PDSS2: variants seen among roughly 807,000 people sequenced by gnomAD.
The protein encoded by PDSS2 is decaprenyl diphosphate synthase subunit 2.
PDSS2 carries 31 observed loss-of-function variants against 44.5 expected under a neutral mutation model. The ratio of observed to expected loss-of-function variants is 0.70; its 90% CI spans 0.52 to 0.94. PDSS2 has a LOEUF of 0.94. Among genes scored for constraint, PDSS2 ranks in the 40% least tolerant of loss-of-function variants. PDSS2 has a pLI of 0.00. For missense variants in PDSS2, 452 were observed against 482.2 expected, an observed-to-expected ratio of 0.94 and a Z score of 0.59; for synonymous variants, 157 against 180.3, an observed-to-expected ratio of 0.87 and a Z score of 1.03.
At chr6:107,348,314 TC>T (rs1399808983) in intron 1 of PDSS2, among the ~76,000 whole-genome samples, 1 of 152,234 alleles carries the variant, frequency 6.6e-6, no homozygotes, top group East Asian at 1.9e-4. Context: ...TTGGCCAATG[TC>T]AAAAGCAAGT....
intron 2 of PDSS2, among the ~76,000 whole-genome samples, chr6:107,306,589 GAA>G (rs1404248544): frequency 6.6e-6 from 1 of 152,066 alleles, no homozygotes; most frequent in African/African-American, 2.4e-5. Flanking sequence ...AGGTAGTACT[GAA>G]TAATCAGATC....
chr6:107,294,504 C>T (rs6904046), intron 2 of PDSS2, among the ~76,000 whole-genome samples: 28,298 of 151,900 alleles, frequency 0.19, 2,787 homozygotes, highest in East Asian at 0.25. Flanking sequence ...GCCTCAGCCT[C>T]GTGAGTAGCT....
intron 4 of PDSS2, among the ~76,000 whole-genome samples, chr6:107,240,805 T>C (rs1774398546): frequency 6.6e-6 from 1 of 152,054 alleles, no homozygotes; most frequent in South Asian, 2.1e-4. Flanking sequence ...AGAGGGGAGA[T>C]ATTTTCTTAT....
intron 7 of PDSS2, among the ~76,000 whole-genome samples, chr6:107,191,596 G>A (rs771507405): frequency 3.9e-5 from 6 of 152,030 alleles, no homozygotes; most frequent in African/African-American, 7.2e-5. Context: ...TGATAACGAC[G>A]CACCAATGTA....
chr6:107,438,445 T>C (rs1781420497), intron 1 of PDSS2, among the ~76,000 whole-genome samples: 1 of 152,120 alleles, frequency 6.6e-6, no homozygotes, highest in South Asian at 2.1e-4. Context: ...GAACTCTTGA[T>C]CTGAAGCAAT....
intron 6 of PDSS2, among the ~76,000 whole-genome samples, chr6:107,209,562 C>CT (rs543768033): frequency 0.25 from 31,289 of 126,078 alleles, 4,694 homozygotes; most frequent in East Asian, 0.62. Context: ...AGGCTCTAAG[C>CT]TTTTTTTTTT....
intron 3 of PDSS2, among the ~76,000 whole-genome samples, chr6:107,247,080 G>A (rs929120667): frequency 1.3e-5 from 2 of 152,068 alleles, no homozygotes; most frequent in Admixed American, 6.6e-5. Context: ...ACTGAGTATC[G>A]CCAATAGGTC....
intron 1 of PDSS2, among the ~76,000 whole-genome samples, chr6:107,397,733 T>C (rs1779993416): frequency 6.6e-6 from 1 of 152,222 alleles, no homozygotes; most frequent in Non-Finnish European, 1.5e-5. Flanking sequence ...CAGTATTTGT[T>C]GCCAAAAATA....
At chr6:107,319,731 C>A (rs900226131) in intron 2 of PDSS2, among the ~76,000 whole-genome samples, 8 of 152,204 alleles carry the variant, frequency 5.3e-5, no homozygotes, top group African/African-American at 1.9e-4. Flanking sequence ...TAACAAGCTG[C>A]CTATAAACCG....
chr6:107,160,243 C>CA (rs1288520329), intron 7 of PDSS2, among the ~76,000 whole-genome samples: 3 of 151,788 alleles, frequency 2.0e-5, no homozygotes, highest in Non-Finnish European at 4.4e-5. Context: ...AAAACAAAAA[C>CA]AAAAAAACAC....
chr6:107,299,146 C>CAAAAAAAA (rs71991148), intron 2 of PDSS2, among the ~76,000 whole-genome samples: 5 of 53,464 alleles, frequency 9.4e-5, no homozygotes, highest in Non-Finnish European at 1.2e-4. Context: ...GACCCTGTCT[C>CAAAAAAAA]AAAAAAAAAA....
At chr6:107,291,113 A>C (rs1425870000) in intron 2 of PDSS2, among the ~76,000 whole-genome samples, 2 of 152,142 alleles carry the variant, frequency 1.3e-5, no homozygotes, top group Non-Finnish European at 2.9e-5. Flanking sequence ...CCTTTAACTA[A>C]TTATAAGTGC....
chr6:107,269,320 C>T (rs1161795570), intron 3 of PDSS2, among the ~76,000 whole-genome samples: 1 of 147,208 alleles, frequency 6.8e-6, no homozygotes, highest in Non-Finnish European at 1.5e-5. Context: ...TCTAGGCCTT[C>T]TCAATCTCAT....
chr6:107,189,989 C>A (rs1192276722), intron 7 of PDSS2, among the ~76,000 whole-genome samples: 1 of 151,612 alleles, frequency 6.6e-6, no homozygotes, highest in Non-Finnish European at 1.5e-5. Context: ...GAGTCTGAGG[C>A]AAGAGGATCA....
At chr6:107,388,425 T>C (rs918576762) in intron 1 of PDSS2, among the ~76,000 whole-genome samples, 1 of 151,980 alleles carries the variant, frequency 6.6e-6, no homozygotes, top group Non-Finnish European at 1.5e-5. Context: ...AAACTTACGT[T>C]CATGTAAAAA....
At chr6:107,225,331 C>T (rs1773784681) in intron 4 of PDSS2, among the ~76,000 whole-genome samples, 1 of 150,720 alleles carries the variant, frequency 6.6e-6, no homozygotes, top group East Asian at 1.9e-4. Context: ...TGCCACCATG[C>T]CCGGCTAATT....
At chr6:107,267,440 G>A (rs1339208221) in intron 3 of PDSS2, among the ~76,000 whole-genome samples, 2 of 152,116 alleles carry the variant, frequency 1.3e-5, no homozygotes, top group African/African-American at 4.8e-5. Flanking sequence ...AGTCCCAGGG[G>A]CAAAGAACCA....
At chr6:107,328,084 C>T (rs1463259711) in intron 2 of PDSS2, among the ~76,000 whole-genome samples, 1 of 152,164 alleles carries the variant, frequency 6.6e-6, no homozygotes, top group Non-Finnish European at 1.5e-5. Flanking sequence ...GTATACAAAG[C>T]TAAGTGCCTA....
intron 4 of PDSS2, among the ~76,000 whole-genome samples, 161 bp downstream of exon 4, chr6:107,245,387 A>T (rs1363099390): frequency 7.8e-6 from 1 of 127,636 alleles, no homozygotes; most frequent in African/African-American, 2.9e-5. Context: ...TAGTAAGCGT[A>T]TGGCCATGAA....
Sources: gnomAD v4.1 joint callset for allele counts (sites outside exome capture counted in the v4.1 genomes callset) on GRCh38, gnomAD v4.1.1 for gene constraint, MANE v1.5 for transcripts, NCBI Gene and HGNC (gene_info 2026-07-23, HGNC 2026-07-21) for gene names.